The following PTPRT variants were observed in gnomAD, a reference collection of about 807,000 sequenced individuals.
PTPRT encodes protein tyrosine phosphatase receptor type T, also known as receptor-type tyrosine-protein phosphatase T.
Under a neutral mutation model 176.8 loss-of-function variants are expected in PTPRT, and 56 were observed. The ratio of observed to expected loss-of-function variants is 0.32; its 90% CI spans 0.26 to 0.40. PTPRT has a LOEUF of 0.40. PTPRT is among the 10% of genes least tolerant of loss of function. PTPRT has a pLI of 1.00. For synonymous variants in PTPRT, 783 were observed against 739.0 expected, an observed-to-expected ratio of 1.06 and a Z score of -0.96; for missense variants, 1,540 against 1,908.2, an observed-to-expected ratio of 0.81 and a Z score of 3.60.
chr20:43,070,313 A>T (rs1250538673), intron 1 of PTPRT, among the ~76,000 whole-genome samples: 1 of 152,198 alleles, frequency 6.6e-6, no homozygotes, highest in Non-Finnish European at 1.5e-5. Context: ...ATCATTAAAA[A>T]GTCAGGAAAC....
chr20:42,526,328 C>T (rs747821815), intron 7 of PTPRT, among the ~76,000 whole-genome samples: 3 of 152,098 alleles, frequency 2.0e-5, no homozygotes, highest in Non-Finnish European at 4.4e-5. Context: ...TGCTTTCTAA[C>T]GTTTTACTGA....
intron 7 of PTPRT, among the ~76,000 whole-genome samples, chr20:42,658,764 C>T (rs965639923): frequency 6.6e-6 from 1 of 152,152 alleles, no homozygotes; most frequent in Non-Finnish European, 1.5e-5. Context: ...CATTAGTATT[C>T]AGGATCCATA....
At chr20:42,840,704 T>C (rs936359245) in intron 2 of PTPRT, among the ~76,000 whole-genome samples, 12 of 152,166 alleles carry the variant, frequency 7.9e-5, no homozygotes, top group Non-Finnish European at 1.8e-4. Flanking sequence ...CGAGCCACCA[T>C]GTCCAGCCAT....
At chr20:43,077,381 C>T (rs1376100079) in intron 1 of PTPRT, among the ~76,000 whole-genome samples, 2 of 152,306 alleles carry the variant, frequency 1.3e-5, no homozygotes, top group Non-Finnish European at 2.9e-5. Context: ...GCAATGTCCA[C>T]ATCCTTATGT....
At chr20:42,750,389 C>T (rs1452269444) in intron 6 of PTPRT, among the ~76,000 whole-genome samples, 1 of 151,780 alleles carries the variant, frequency 6.6e-6, no homozygotes, top group East Asian at 1.9e-4. Context: ...CTCATAGGAC[C>T]TATTTATATA....
At chr20:42,158,945 G>T (rs759918305) in intron 17 of PTPRT, among the ~76,000 whole-genome samples, 1 of 152,152 alleles carries the variant, frequency 6.6e-6, no homozygotes, top group Non-Finnish European at 1.5e-5. Context: ...AACGAAGAAA[G>T]TTTGAAAAGC....
intron 7 of PTPRT, among the ~76,000 whole-genome samples, chr20:42,534,430 G>A (rs900962153): frequency 6.6e-6 from 1 of 151,984 alleles, no homozygotes; most frequent in African/African-American, 2.4e-5. Flanking sequence ...TCAAGAGATC[G>A]AGATCATCCT....
chr20:42,816,115 G>T (rs1393717709), intron 2 of PTPRT, among the ~76,000 whole-genome samples: 1 of 152,182 alleles, frequency 6.6e-6, no homozygotes, highest in Non-Finnish European at 1.5e-5. Context: ...CCTCATCTCA[G>T]ACGACAGCCA....
At chr20:42,350,216 T>TG (rs1474351805) in intron 11 of PTPRT, among the ~76,000 whole-genome samples, 1 of 41,834 alleles carries the variant, frequency 2.4e-5, no homozygotes, top group African/African-American at 9.7e-5. Flanking sequence ...TGTTTCTTGT[T>TG]TTTTTTTTTT....
At chr20:42,684,552 GTATT>G in intron 6 of PTPRT, among the ~76,000 whole-genome samples, 1 of 152,206 alleles carries the variant, frequency 6.6e-6, no homozygotes, top group African/African-American at 2.4e-5. Flanking sequence ...AGGATTGGAA[GTATT>G]TAGAGAGAAG....
At chr20:43,112,994 T>C (rs529147968) in intron 1 of PTPRT, among the ~76,000 whole-genome samples, 285 of 152,056 alleles carry the variant, frequency 1.9e-3, no homozygotes, top group Non-Finnish European at 2.6e-3. Context: ...TCCTGGGGTT[T>C]TGCATGTAAC....
intron 7 of PTPRT, among the ~76,000 whole-genome samples, chr20:42,574,865 T>G (rs1236508653): frequency 6.6e-6 from 1 of 152,116 alleles, no homozygotes; most frequent in Non-Finnish European, 1.5e-5. Flanking sequence ...GGTTTATAAG[T>G]GTTTGGCAGC....
intron 13 of PTPRT, among the ~76,000 whole-genome samples, chr20:42,280,599 C>A (rs1265762416): frequency 1.3e-5 from 2 of 152,170 alleles, no homozygotes; most frequent in Non-Finnish European, 2.9e-5. Flanking sequence ...CATACACACT[C>A]CATTCACTTA....
chr20:42,374,137 GA>G (rs1291908512), intron 9 of PTPRT, among the ~76,000 whole-genome samples: 1 of 152,196 alleles, frequency 6.6e-6, no homozygotes, highest in Non-Finnish European at 1.5e-5. Context: ...CAGCTGCAGG[GA>G]AATGTGGCAG....
chr20:43,073,479 A>ACG (rs2011209470), intron 1 of PTPRT, among the ~76,000 whole-genome samples: 1 of 72,956 alleles, frequency 1.4e-5, no homozygotes, highest in Non-Finnish European at 2.6e-5. Flanking sequence ...ATATATATAT[A>ACG]TACACACACA....
intron 2 of PTPRT, among the ~76,000 whole-genome samples, chr20:42,819,475 A>C (rs1289241383): frequency 6.6e-6 from 1 of 152,212 alleles, no homozygotes; most frequent in African/African-American, 2.4e-5. Flanking sequence ...CAATGAAACT[A>C]TGGAGGAACT....
intron 1 of PTPRT, chr20:43,063,380 G>C (rs965870921): frequency 6.6e-6 from 1 of 152,510 alleles, no homozygotes; most frequent in Non-Finnish European, 1.5e-5. Context: ...TGCCAGGATT[G>C]ATTCAGCTGA....
At chr20:42,047,677 C>T in the PTPRT span, among the ~76,000 whole-genome samples, 1 of 152,158 alleles carries the variant, frequency 6.6e-6, no homozygotes, top group Non-Finnish European at 1.5e-5. Context: ...TCTGGACAAG[C>T]ACAAAATCCT....
chr20:42,242,518 A>G (rs542061586), intron 14 of PTPRT, among the ~76,000 whole-genome samples: 5 of 152,332 alleles, frequency 3.3e-5, no homozygotes, highest in Admixed American at 3.3e-4. Flanking sequence ...TTCTGTCCAG[A>G]TCAAAGGTCA....
Sources: gnomAD v4.1 joint callset for allele counts (sites outside exome capture counted in the v4.1 genomes callset) on GRCh38, gnomAD v4.1.1 for gene constraint, MANE v1.5 for transcripts, NCBI Gene and HGNC (gene_info 2026-07-23, HGNC 2026-07-21) for gene names.